Variants in FAM76A observed in about 807,000 individuals in gnomAD.
FAM76A encodes the protein protein FAM76A.
Under a neutral mutation model 46.2 loss-of-function variants are expected in FAM76A, and 32 were observed. That is an observed-to-expected ratio of 0.69 (90% CI 0.52 to 0.93). The LOEUF is 0.93. Ranked by LOEUF, FAM76A falls within the 40% of genes least tolerant of loss-of-function variation. The probability of loss-of-function intolerance (pLI) is 0.00; values close to 1 mark genes in which losing one functional copy is unlikely to be tolerated. For synonymous variants in FAM76A, 137 were observed against 127.0 expected, an observed-to-expected ratio of 1.08 and a Z score of -0.53; for missense variants, 274 against 361.5, an observed-to-expected ratio of 0.76 and a Z score of 1.96.
intron 6 of FAM76A, among the ~76,000 whole-genome samples, chr1:27,752,133 G>A (rs1027449611): frequency 2.0e-5 from 3 of 152,016 alleles, no homozygotes; most frequent in Non-Finnish European, 4.4e-5. Flanking sequence ...TATTCCCCAT[G>A]TTTTCTGCAA....
At chr1:27,737,902 A>G (rs2088082388) in intron 4 of FAM76A, among the ~76,000 whole-genome samples, 3 of 151,526 alleles carry the variant, frequency 2.0e-5, no homozygotes, top group Admixed American at 2.0e-4. Context: ...ACAGAAAAAA[A>G]AAATTAGCCA....
rs1242606895 is a variant in FAM76A, at chr1:27,762,622, A to T, written c.*2041A>T. On this transcript the variant is annotated 3_prime_UTR_variant, in exon 9 of 9. Coordinates refer to ENST00000373954, the MANE Select transcript of FAM76A (RefSeq NM_152660.3). ...CTAGGGGATATAATTTTCCCTTCTA[A>T]GCAAGGGAAATGGCAGTGCTAAATA... 1 of 152,188 alleles carries T rather than the reference A, an allele frequency of 6.6e-6. No individual in the cohort carries two copies. Among genetic ancestry groups the T allele is most frequent in the African/African-American group, 2.4e-5 (1 of 41,438 alleles). The allele number at this position is 152,188 out of a possible 1,614,324, so 9.4% of individuals were successfully genotyped here.
intron 8 of FAM76A, 138 bp downstream of exon 8, chr1:27,759,765 G>GGTTTTTTTTTTT (rs1557789952): frequency 3.8e-5 from 23 of 611,892 alleles, no homozygotes; most frequent in Middle Eastern, 4.0e-4. Context: ...CCCCCTTTTA[G>GGTTTTTTTTTTT]GTTTTTTTTT....
intron 7 of FAM76A, among the ~76,000 whole-genome samples, chr1:27,756,245 TCTTA>T (rs1205875338): frequency 2.0e-5 from 3 of 152,358 alleles, no homozygotes; most frequent in South Asian, 2.1e-4. Flanking sequence ...TGCTGACAAC[TCTTA>T]CTAAGTGACC....
rs2088492929 is a variant in FAM76A at position 27,760,870 on chromosome 1, C to CTTTTTTTTTTTTTTTT, written c.*295_*296insTTTTTTTTTTTTTTTT. ...TATTTTGGTTCTATTCTTTTTTTTT[C>CTTTTTTTTTTTTTTTT]TTTTTTCTTTTTTTTTTTTTTTTTT... On this transcript the variant is annotated 3_prime_UTR_variant, in exon 9 of 9. Transcript: ENST00000373954. The CTTTTTTTTTTTTTTTT allele has an allele frequency of 9.3e-5, 4 of 43,152 alleles. No individual in the cohort carries two copies. The highest frequency in any genetic ancestry group is 2.0e-4 in the African/African-American group (2 of 9,978). The allele number at this position is 43,152 out of a possible 1,614,324, so 2.7% of individuals were successfully genotyped here.
chr1:27,737,207 C>G (rs2088063651), intron 4 of FAM76A, among the ~76,000 whole-genome samples: 2 of 152,132 alleles, frequency 1.3e-5, no homozygotes, highest in African/African-American at 4.8e-5. Flanking sequence ...CCTCAGCCTC[C>G]CAAAGTGCTA....
intron 7 of FAM76A, among the ~76,000 whole-genome samples, chr1:27,757,201 T>G (rs2088425061): frequency 7.7e-6 from 1 of 130,014 alleles, no homozygotes; most frequent in Non-Finnish European, 1.7e-5. Context: ...TTTTTTTTTT[T>G]TTTTTTTTTT....
intron 6 of FAM76A, among the ~76,000 whole-genome samples, chr1:27,752,711 T>C (rs2088350758): frequency 6.6e-6 from 1 of 152,230 alleles, no homozygotes; most frequent in African/African-American, 2.4e-5. Flanking sequence ...CCAAGAAAAT[T>C]GTTCTTACAG....
At chr1:27,740,666 T>A in intron 4 of FAM76A, 1 of 527,422 alleles carries the variant, frequency 1.9e-6, no homozygotes, top group East Asian at 3.3e-5. Flanking sequence ...TCGTGAGATC[T>A]CCTTTTTACC....
At position 27,732,655 on chromosome 1, in the gene FAM76A, A is replaced by G; in HGVS notation, c.199A>G (p.Thr67Ala). ...TGCTCAGAACGTGCAGTTGTATGGA[A>G]CGGTAAGTAGGATATTTTCAAACCT... ...KCAQNVQLYGTPKPCQYCNII... is the reference protein window; with the variant it reads ...KCAQNVQLYGAPKPCQYCNII... The change falls in exon 3 of 9, where the codon ACG becomes GCG. Residue 67 changes from threonine (T) to alanine (A), a missense_variant and splice_region_variant. Thr to Ala is a moderately conservative substitution (Grantham distance 58). Transcript: ENST00000373954. 3 of 1,606,908 alleles carry G rather than the reference A, an allele frequency of 1.9e-6. No homozygotes were observed. Among genetic ancestry groups the G allele is most frequent in the Non-Finnish European group, 2.6e-6 (3 of 1,174,520 alleles).
chr1:27,728,275 G>A (rs1036832322), intron 2 of FAM76A, among the ~76,000 whole-genome samples: 1 of 152,148 alleles, frequency 6.6e-6, no homozygotes, highest in African/African-American at 2.4e-5. Context: ...GATACTTTTG[G>A]AAATGTGACA....
chr1:27,728,837 A>G (rs1229685874), intron 2 of FAM76A, among the ~76,000 whole-genome samples: 2 of 151,824 alleles, frequency 1.3e-5, no homozygotes, highest in African/African-American at 4.8e-5. Flanking sequence ...GGTGGCACAC[A>G]CCTGTAGTCC....
intron 4 of FAM76A, among the ~76,000 whole-genome samples, chr1:27,738,140 A>G (rs1406934738): frequency 6.6e-6 from 1 of 151,990 alleles, no homozygotes; most frequent in Non-Finnish European, 1.5e-5. Context: ...TGGGAGGATC[A>G]CTTGAGCCCA....
At chr1:27,737,868 CAAAAAAAAAA>C (rs71571865) in intron 4 of FAM76A, among the ~76,000 whole-genome samples, 13 of 62,724 alleles carry the variant, frequency 2.1e-4, no homozygotes, top group Admixed American at 4.5e-4. Flanking sequence ...ACAACAACAA[CAAAAAAAAAA>C]AAAAAAAAAA....
chr1:27,727,615 A>T, intron 2 of FAM76A, 79 bp downstream of exon 2: 2 of 1,022,544 alleles, frequency 2.0e-6, no homozygotes, highest in South Asian at 2.7e-5. Context: ...TTTCATGTAC[A>T]GATGCTATAA....
intron 6 of FAM76A, among the ~76,000 whole-genome samples, chr1:27,752,201 TTTAATA>T (rs2088343299): frequency 6.6e-6 from 1 of 152,222 alleles, no homozygotes; most frequent in Middle Eastern, 3.2e-3. Context: ...TCTTCTCTTA[TTTAATA>T]TTGAGTTATG....
chr1:27,749,623 G>A (rs1023408503), intron 6 of FAM76A, among the ~76,000 whole-genome samples: 1 of 152,076 alleles, frequency 6.6e-6, no homozygotes, highest in African/African-American at 2.4e-5. Flanking sequence ...CCCAAAGTGC[G>A]GGGATTACAG....
At chr1:27,734,372 C>G (rs1232194032) in intron 4 of FAM76A, among the ~76,000 whole-genome samples, 189 bp downstream of exon 4, 1 of 151,908 alleles carries the variant, frequency 6.6e-6, no homozygotes, top group Non-Finnish European at 1.5e-5. Flanking sequence ...ATGGTGAAAC[C>G]GCGTCTCTAC....
rs1369637704 is a variant in FAM76A at position 27,762,023 on chromosome 1, A to T, written c.*1442A>T. On this transcript the variant is annotated 3_prime_UTR_variant, in exon 9 of 9. Transcript: ENST00000373954. ...ACAGAGCATTTTTGGGGTCAGCATG[A>T]GCTGCTCTAGTAAGGACTCTTGAGT... The T allele has an allele frequency of 6.6e-6, 1 of 151,600 alleles. No individual in the cohort carries two copies. Among genetic ancestry groups the T allele is most frequent in the Admixed American group, 6.6e-5 (1 of 15,228 alleles). 9.4% of individuals were successfully genotyped at this position (151,600 alleles called of 1,614,324 possible). A position where few individuals can be genotyped will look rare whatever the true frequency, so the allele number is the denominator to read the frequency against.
Sources: gnomAD v4.1 joint callset for allele counts (sites outside exome capture counted in the v4.1 genomes callset) on GRCh38, gnomAD v4.1.1 for gene constraint, MANE v1.5 for transcripts, NCBI Gene and HGNC (gene_info 2026-07-23, HGNC 2026-07-21) for gene names.